Variants in SUN1 observed in about 807,000 individuals in gnomAD.
The protein encoded by SUN1 is SUN domain-containing protein 1.
SUN1 carries 61 observed loss-of-function variants against 103.2 expected under a neutral mutation model. The ratio of observed to expected loss-of-function variants is 0.59; its 90% CI spans 0.48 to 0.73. The LOEUF (loss-of-function observed/expected upper bound fraction) is 0.73. SUN1 is among the 30% of genes least tolerant of loss of function. The pLI, the probability that SUN1 is intolerant of heterozygous loss-of-function variation, is 0.00. For missense variants in SUN1, 1,052 were observed against 1,034.6 expected, an observed-to-expected ratio of 1.02 and a Z score of -0.23; for synonymous variants, 490 against 425.7, an observed-to-expected ratio of 1.15 and a Z score of -1.86.
intron 2 of SUN1, among the ~76,000 whole-genome samples, chr7:841,328 C>T (rs977877736): frequency 6.7e-6 from 1 of 150,186 alleles, no homozygotes; most frequent in African/African-American, 2.5e-5. Flanking sequence ...ACTGCAACCT[C>T]TGTCTCCCAG....
At chr7:856,922 C>T (rs942699605) in intron 12 of SUN1, among the ~76,000 whole-genome samples, 2 of 152,150 alleles carry the variant, frequency 1.3e-5, no homozygotes, top group African/African-American at 4.8e-5. Flanking sequence ...TGGGCCTCTC[C>T]GCGTGGCTGT....
chr7:853,668 G>T (rs1253216479), intron 10 of SUN1, 50 bp downstream of exon 10: 2 of 1,570,840 alleles, frequency 1.3e-6, no homozygotes, highest in Non-Finnish European at 1.7e-6. Context: ...ACGCGCTTCT[G>T]GGTGCCATGT....
chr7:820,608 A>G (rs1351676900), intron 1 of SUN1, among the ~76,000 whole-genome samples: 2 of 152,198 alleles, frequency 1.3e-5, no homozygotes, highest in African/African-American at 4.8e-5. Context: ...GTTGAAGAGC[A>G]GTGGTGAAAG....
upstream of SUN1, among the ~76,000 whole-genome samples, chr7:828,302 C>T (rs1284480306): frequency 6.6e-6 from 1 of 151,880 alleles, no homozygotes; most frequent in Non-Finnish European, 1.5e-5. Context: ...GACAGAGTCT[C>T]ACTCTGTCAC....
upstream of SUN1, among the ~76,000 whole-genome samples, chr7:829,403 C>T (rs569361282): frequency 2.0e-4 from 31 of 152,206 alleles, no homozygotes; most frequent in Non-Finnish European, 3.4e-4. Context: ...GCAGGTGTGC[C>T]GGCGAGCAGT....
intron 1 of SUN1, among the ~76,000 whole-genome samples, chr7:834,504 T>C (rs1584310387): frequency 1.3e-5 from 2 of 152,220 alleles, no homozygotes; most frequent in South Asian, 4.1e-4. Context: ...GGTCCTGGGC[T>C]GGCCTCCCGC....
chr7:852,330 G>T, intron 7 of SUN1: 1 of 595,460 alleles, frequency 1.7e-6, no homozygotes, highest in Non-Finnish European at 2.9e-6. Context: ...GTTCCCAGTG[G>T]CATCAGTCAC....
chr7:848,469 C>A, intron 5 of SUN1: 1 of 1,364,428 alleles, frequency 7.3e-7, no homozygotes, highest in Non-Finnish European at 9.8e-7. Context: ...AGATACACTG[C>A]ATCATCTTTT....
In SUN1 at chr7:851,445, G is replaced by T. The variant is rs186121469; in HGVS notation, c.720G>T (p.Thr240=). 5 of 1,610,000 alleles carry T rather than the reference G, an allele frequency of 3.1e-6. No homozygotes were observed. The East Asian group carries it at 1.1e-4, about 36-fold the overall frequency. The change falls in exon 6 of 19, where the codon ACG becomes ACT. Residue 240 remains threonine (T), a synonymous_variant. Coordinates refer to ENST00000401592, the MANE Select transcript of SUN1 (RefSeq NM_001130965.3). ...CTGTGGGCCAGGCTGTGTCCAGGAC[G>T]GCGTGGTCGGCCCTTTGGCTGGCCG... ...IGAVGQAVSR[T]AWSALWLAVV...
chr7:861,039 T>C (rs1021493682), intron 14 of SUN1, among the ~76,000 whole-genome samples: 8 of 152,360 alleles, frequency 5.3e-5, no homozygotes, highest in African/African-American at 1.9e-4. Context: ...CAGTAATACC[T>C]AAATTCCCAG....
intron 17 of SUN1, among the ~76,000 whole-genome samples, chr7:870,575 G>C (rs1472819621): frequency 6.6e-6 from 1 of 152,078 alleles, no homozygotes. Flanking sequence ...AACAGAGCAA[G>C]ACTCTGTCTC....
intron 16 of SUN1, among the ~76,000 whole-genome samples, chr7:866,731 TCCCACC>T (rs1837219463): frequency 3.1e-4 from 2 of 6,438 alleles, no homozygotes; most frequent in Admixed American, 4.0e-3. Context: ...CCGCCCCCCG[TCCCACC>T]GGGCCTTCAC....
chr7:842,904 G>C, intron 3 of SUN1: 2 of 534,464 alleles, frequency 3.7e-6, no homozygotes, highest in Non-Finnish European at 6.8e-6. Context: ...GCCTTGCTGA[G>C]CGGGCTGTGA....
intron 17 of SUN1, 131 bp downstream of exon 17, chr7:869,647 TGAG>T (rs1839979960): frequency 1.1e-5 from 12 of 1,119,284 alleles, no homozygotes; most frequent in Admixed American, 5.4e-5. Context: ...GATTCGGTGT[TGAG>T]GGGAACATTC....
At chr7:853,658 A>C (rs775873248) in intron 10 of SUN1, 40 bp downstream of exon 10, 1 of 1,587,520 alleles carries the variant, frequency 6.3e-7, no homozygotes, top group African/African-American at 1.3e-5. Context: ...GGTGACACCA[A>C]CGCGCTTCTG....
chr7:829,795 C>G (rs766769518), upstream of SUN1, among the ~76,000 whole-genome samples: 3 of 152,190 alleles, frequency 2.0e-5, no homozygotes, highest in Non-Finnish European at 2.9e-5. Flanking sequence ...ACCTCATGAT[C>G]TGCCCTCCTC....
At position 843,225 on chromosome 7, in the gene SUN1, T is replaced by A; in HGVS notation, c.471T>A (p.Asp157Glu). 6.2e-7 allele frequency: 1 copy of A among 1,609,420 alleles called. No individual in the cohort carries two copies. Among genetic ancestry groups the A allele is most frequent in the South Asian group, 1.1e-5 (1 of 90,516 alleles). Reference protein sequence around the residue: ...DHFWGLDDDGDLKGGNKAAIQ... With the variant: ...DHFWGLDDDGELKGGNKAAIQ... ...TTTTAGGTCTTGATGATGATGGTGATCTTAAAGGTAATTATTTTAGTCCTT... is the reference window on the plus strand; with the variant it reads ...TTTTAGGTCTTGATGATGATGGTGAACTTAAAGGTAATTATTTTAGTCCTT... Residue 157 changes from aspartate (D) to glutamate (E), a missense_variant, in exon 4 of 19, where the codon GAT becomes GAA. Coordinates refer to ENST00000401592, the MANE Select transcript of SUN1 (RefSeq NM_001130965.3).
intron 14 of SUN1, among the ~76,000 whole-genome samples, chr7:860,782 C>G (rs1562778716): frequency 6.6e-6 from 1 of 152,158 alleles, no homozygotes; most frequent in East Asian, 1.9e-4. Context: ...CTGCAGAAGC[C>G]TCACAGTCAT....
rs930967127 is a variant in SUN1 at position 872,408 on chromosome 7, G to A, written c.2149-62G>A. The A allele has an allele frequency of 1.1e-5, 15 of 1,381,392 alleles. No homozygotes were observed. In the Admixed American group the frequency reaches 1.6e-4, roughly 15 times the overall value. 85.6% of individuals were successfully genotyped at this position (1,381,392 alleles called of 1,614,324 possible). A position where few individuals can be genotyped will look rare whatever the true frequency, so the allele number is the denominator to read the frequency against. On this transcript the variant is annotated intron_variant, in intron 17 of 18. Transcript: ENST00000401592. ...CTTAGTGCTGGCTGTGGAAGGGAAC[G>A]GTCCTCTCTGCTCAGTGTTATTTTT...
Sources: gnomAD v4.1 joint callset for allele counts (sites outside exome capture counted in the v4.1 genomes callset) on GRCh38, gnomAD v4.1.1 for gene constraint, MANE v1.5 for transcripts, NCBI Gene and HGNC (gene_info 2026-07-23, HGNC 2026-07-21) for gene names.